PAH: variants seen among roughly 807,000 people sequenced by gnomAD.
PAH encodes phenylalanine hydroxylase.
PAH carries 64 observed loss-of-function variants against 62.0 expected under a neutral mutation model. That is an observed-to-expected ratio of 1.03 (90% CI 0.84 to 1.27). The LOEUF (loss-of-function observed/expected upper bound fraction) is 1.27, where lower values mean the gene tolerates loss of function less well. Among genes scored for constraint, PAH ranks in the 50% most tolerant of loss-of-function variants. The pLI is 0.00. For synonymous variants in PAH, 195 were observed against 196.2 expected (o/e 0.99, Z 0.05); for missense variants, 579 against 542.8 (o/e 1.07, Z -0.66).
At chr12:102,855,075 C>T (rs1875347566) in intron 6 of PAH, 61 bp downstream of exon 6, 16 of 1,361,496 alleles carry the variant, frequency 1.2e-5, no homozygotes, top group Non-Finnish European at 1.6e-5. Context: ...CCCCTTCCCT[C>T]TCCTCTGCCT....
chr12:102,933,932 G>C (rs570089120), intron 1 of PAH, among the ~76,000 whole-genome samples: 1 of 152,148 alleles, frequency 6.6e-6, no homozygotes, highest in East Asian at 1.9e-4. Flanking sequence ...TGGTGCAAAA[G>C]CATTTTTAAC....
At position 102,837,110 on chromosome 12, in the gene PAH, G is replaced by T. The variant is rs1328572173; in HGVS notation, c.*2065C>A. The T allele has an allele frequency of 2.0e-5, 3 of 152,062 alleles. No homozygotes were observed. The highest frequency in any genetic ancestry group is 2.9e-5 in the Non-Finnish European group (2 of 67,990). The allele number at this position is 152,062 out of a possible 1,614,324, so 9.4% of individuals were successfully genotyped here. ...TTTCTAAAATATTGCTCATTTACTAGAAATTAAACAAATAAAAACACTTAC... is the reference window on the plus strand; with the variant it reads ...TTTCTAAAATATTGCTCATTTACTATAAATTAAACAAATAAAAACACTTAC... On this transcript the variant is annotated 3_prime_UTR_variant, in exon 13 of 13. Transcript: ENST00000553106.
At chr12:102,947,799 T>A (rs1224007452) in intron 1 of PAH, among the ~76,000 whole-genome samples, 4 of 152,196 alleles carry the variant, frequency 2.6e-5, no homozygotes, top group African/African-American at 9.7e-5. Context: ...GGACATGTAT[T>A]TCAAGAAATT....
chr12:102,920,231 G>A (rs1396431818), upstream of PAH, among the ~76,000 whole-genome samples: 1 of 152,194 alleles, frequency 6.6e-6, no homozygotes, highest in African/African-American at 2.4e-5. Flanking sequence ...CCATAAACTT[G>A]CAGATGATTT....
chr12:102,931,685 T>C (rs1324681690), intron 1 of PAH, among the ~76,000 whole-genome samples: 2 of 152,196 alleles, frequency 1.3e-5, no homozygotes, highest in Non-Finnish European at 2.9e-5. Flanking sequence ...GCCCCTTCCA[T>C]TGGTCTCCGT....
rs1049036477 is a variant in PAH at position 102,837,326 on chromosome 12, A to C, written c.*1849T>G. 2.6e-5 allele frequency: 4 copies of C among 152,246 alleles called. No individual in the cohort carries two copies. Among genetic ancestry groups the C allele is most frequent in the African/African-American group, 9.6e-5 (4 of 41,466 alleles). 9.4% of individuals were successfully genotyped at this position (152,246 alleles called of 1,614,324 possible). A position where few individuals can be genotyped will look rare whatever the true frequency, so the allele number is the denominator to read the frequency against. On this transcript the variant is annotated 3_prime_UTR_variant, in exon 13 of 13. Transcript: ENST00000553106. Reference sequence around the variant, plus strand: ...CTCATTAAAACATCTTTACTGGACTAAAACTCACTCTTCAATATTGTCAAA... The same window carrying C: ...CTCATTAAAACATCTTTACTGGACTCAAACTCACTCTTCAATATTGTCAAA...
chr12:102,958,301 G>T lies in PAH; in HGVS notation c.-202C>A, dbSNP rs780445585. 1.1e-5 allele frequency: 16 copies of T among 1,477,274 alleles called. No homozygotes were observed. The highest frequency in any genetic ancestry group is 1.3e-5 in the Non-Finnish European group (14 of 1,119,768). The allele number at this position is 1,477,274 out of a possible 1,614,324, so 91.5% of individuals were successfully genotyped here. The stretch of plus-strand genomic sequence containing the variant: ...GCGCCGGCCAGCAGCCCCAGCCGCA[G>T]CCCCAGCAGCCCTTCCTGCCGCCCG... On this transcript the variant is annotated 5_prime_UTR_variant, in exon 1 of 5. Coordinates refer to the PAH transcript ENST00000551337.
At chr12:102,954,319 C>T (rs1400954527), upstream of PAH, among the ~76,000 whole-genome samples, 2 of 152,232 alleles carry the variant, frequency 1.3e-5, no homozygotes, top group African/African-American at 4.8e-5. Context: ...GACAGAGTGG[C>T]ACTGGATCTC....
At chr12:102,910,179 G>A (rs958496867) in intron 2 of PAH, among the ~76,000 whole-genome samples, 6 of 152,108 alleles carry the variant, frequency 3.9e-5, no homozygotes, top group African/African-American at 1.4e-4. Flanking sequence ...TAATGTATAT[G>A]CTGAGCACGC....
intron 2 of PAH, among the ~76,000 whole-genome samples, chr12:102,905,292 A>G (rs963549057): frequency 2.0e-5 from 3 of 152,192 alleles, no homozygotes; most frequent in African/African-American, 7.2e-5. Flanking sequence ...TTGATTTCTC[A>G]TAAAACCTTG....
At position 102,957,378 on chromosome 12, in the gene PAH, G is replaced by A. The variant is rs936437256; in HGVS notation, c.-96+817C>T. 6.6e-6 allele frequency among the ~76,000 whole-genome samples: 1 copy of A among 151,814 alleles called. No homozygotes were observed. Among genetic ancestry groups the A allele is most frequent in the Admixed American group, 6.6e-5 (1 of 15,258 alleles). On this transcript the variant is annotated intron_variant, in intron 1 of 4. Transcript: ENST00000551337. This position sits in a 1 kb window ranked among gnomAD's most constrained non-coding sequence, Gnocchi z 4.1. ...GCCACCCCCGGCAGCAGCCCGCCCC[G>A]AGCGCGCCGCCTGTTTATTCAGCCG...
chr12:102,861,832 G>A (rs1875733652), intron 5 of PAH, among the ~76,000 whole-genome samples: 1 of 152,076 alleles, frequency 6.6e-6, no homozygotes, highest in Non-Finnish European at 1.5e-5. Flanking sequence ...CCTGTTGTGG[G>A]GTTGGGGGAA....
chr12:102,861,570 T>A (rs1677833739), intron 5 of PAH, among the ~76,000 whole-genome samples: 1 of 152,150 alleles, frequency 6.6e-6, no homozygotes, highest in South Asian at 2.1e-4. Flanking sequence ...AGTAAAGACT[T>A]GGAACCAACC....
intron 1 of PAH, among the ~76,000 whole-genome samples, chr12:102,943,319 T>C (rs1449152488): frequency 6.6e-6 from 1 of 151,960 alleles, no homozygotes; most frequent in Non-Finnish European, 1.5e-5. Context: ...TATGAAAAAA[T>C]GCTCAACATC....
At position 102,846,898 on chromosome 12, in the gene PAH, G is replaced by A. The variant is rs1303898015; in HGVS notation, c.966C>T (p.Ala322=). 1 of 1,613,032 alleles carries A rather than the reference G, an allele frequency of 6.2e-7. No homozygotes were observed. Among genetic ancestry groups the A allele is most frequent in the Non-Finnish European group, 8.5e-7 (1 of 1,179,196 alleles). ...GAPDEYIEKL[A]TIYWFTVEFG... ...CCCAGGGAGAGAAGGGACTTACTGTGGCGAGCTTTTCAATGTATTCATCAG... is the reference window on the plus strand; with the variant it reads ...CCCAGGGAGAGAAGGGACTTACTGTAGCGAGCTTTTCAATGTATTCATCAG... The change falls in exon 9 of 13, where the codon GCC becomes GCT. Residue 322 remains alanine (A), a synonymous_variant. Transcript: ENST00000553106.
chr12:102,853,888 C>T (rs578058131), intron 6 of PAH, among the ~76,000 whole-genome samples: 12 of 152,160 alleles, frequency 7.9e-5, no homozygotes, highest in East Asian at 3.8e-4. Context: ...CCCACTTTAC[C>T]GATGGGAAAG....
chr12:102,940,129 G>T (rs1879240867), intron 1 of PAH, among the ~76,000 whole-genome samples: 1 of 152,192 alleles, frequency 6.6e-6, no homozygotes, highest in Non-Finnish European at 1.5e-5. Flanking sequence ...CACAAAGACA[G>T]ACCCTGCACA....
At chr12:102,877,624 G>A in intron 3 of PAH, 74 bp from the exon 4 acceptor site, 2 of 1,114,312 alleles carry the variant, frequency 1.8e-6, no homozygotes, top group Admixed American at 1.7e-5. Context: ...GAGATCAGAA[G>A]TGGGGATCCC....
At chr12:102,885,196 T>A (rs1295443300) in intron 3 of PAH, among the ~76,000 whole-genome samples, 3 of 152,166 alleles carry the variant, frequency 2.0e-5, no homozygotes, top group Non-Finnish European at 4.4e-5. Context: ...ATCCTGAGCA[T>A]CCCTGGATTT....
Sources: allele counts gnomAD v4.1 joint callset (sites outside exome capture counted in the v4.1 genomes callset), GRCh38; gene constraint gnomAD v4.1.1; non-coding constraint Gnocchi (gnomAD v3.1); transcripts MANE v1.5; gene names NCBI Gene and HGNC (gene_info 2026-07-23, HGNC 2026-07-21).